CYBRD1: variants seen among roughly 807,000 people sequenced by gnomAD.
CYBRD1 encodes the protein plasma membrane ascorbate-dependent reductase CYBRD1.
In CYBRD1, 14 loss-of-function variants were observed where a neutral mutation model predicts 21.9. The ratio of observed to expected loss-of-function variants is 0.64; its 90% CI spans 0.42 to 1.00. The LOEUF is 1.00. Among genes scored for constraint, CYBRD1 ranks in the 50% least tolerant of loss-of-function variants. The pLI is 0.00. For missense variants in CYBRD1, 328 were observed against 352.5 expected (o/e 0.93, Z 0.56); for synonymous variants, 146 against 136.5 (o/e 1.07, Z -0.48).
Position 171,554,626 on chromosome 2 carries a change from C to T in CYBRD1, c.660C>T (p.Thr220=), listed in dbSNP as rs1329392520. ...GGGCCCTCATTTTTTGGATAGTCAC[C>T]AGACCGCAATGGAAACGTCCTAAGG... ...VFGALIFWIV[T]RPQWKRPKEP... Residue 220 remains threonine (T), a synonymous_variant, in exon 4 of 4, where the codon ACC becomes ACT. Transcript: ENST00000321348. 4.3e-6 allele frequency: 7 copies of T among 1,613,978 alleles called. No individual in the cohort carries two copies. The South Asian group carries it at 7.7e-5, about 18-fold the overall frequency.
intron 1 of CYBRD1, among the ~76,000 whole-genome samples, chr2:171,535,994 GT>G (rs1697539686): frequency 6.6e-6 from 1 of 151,952 alleles, no homozygotes; most frequent in Admixed American, 6.6e-5. Context: ...ATGCATAAAA[GT>G]ACCTAAATCG....
chr2:171,532,620 C>T (rs1460210566), intron 1 of CYBRD1, among the ~76,000 whole-genome samples: 2 of 151,386 alleles, frequency 1.3e-5, no homozygotes, highest in African/African-American at 4.9e-5. Flanking sequence ...AACATCACGG[C>T]AAAACCCTGT....
Position 171,522,673 on chromosome 2 carries a change from G to C in CYBRD1, c.128G>C (p.Ser43Thr). 6.2e-7 allele frequency: 1 copy of C among 1,613,558 alleles called. No homozygotes were observed. The highest frequency in any genetic ancestry group is 8.5e-7 in the Non-Finnish European group (1 of 1,179,922). Residue 43 changes from serine to threonine, a missense_variant, in exon 1 of 4, where the codon AGC becomes ACC. Transcript: ENST00000321348. This position sits in a 1 kb window ranked among gnomAD's most constrained non-coding sequence, Gnocchi z 4.3. Reference sequence around the variant, plus strand: ...CGAGAGGGGCTTGGCTGGGATGGGAGCGCACTAGAGTTTAACTGGCACCCA... The same window carrying C: ...CGAGAGGGGCTTGGCTGGGATGGGACCGCACTAGAGTTTAACTGGCACCCA... ...HYREGLGWDG[S>T]ALEFNWHPVL...
chr2:171,540,500 G>A (rs890379810), intron 1 of CYBRD1, among the ~76,000 whole-genome samples: 3 of 151,940 alleles, frequency 2.0e-5, no homozygotes, highest in Non-Finnish European at 2.9e-5. Context: ...GCATATACCC[G>A]AGAGTGAAAT....
intron 2 of CYBRD1, among the ~76,000 whole-genome samples, chr2:171,547,911 T>C (rs1327119086): frequency 6.6e-6 from 1 of 152,054 alleles, no homozygotes; most frequent in Non-Finnish European, 1.5e-5. Flanking sequence ...TGTGGTTTAC[T>C]CCAGTATTAC....
chr2:171,522,613 C>G lies in CYBRD1; in HGVS notation c.68C>G (p.Ser23Trp). ...LGSALLVGFL[S>W]VIFALVWVLH... Reference sequence around the variant, plus strand: ...TCGGCACTGCTCGTCGGCTTCCTGTCGGTGATCTTCGCCCTCGTCTGGGTC... The same window carrying G: ...TCGGCACTGCTCGTCGGCTTCCTGTGGGTGATCTTCGCCCTCGTCTGGGTC... The change falls in exon 1 of 4, where the codon TCG becomes TGG. Residue 23 changes from serine (S) to tryptophan (W), a missense_variant. Physicochemically the swap from Ser to Trp is radical, Grantham distance 177 (BLOSUM62 -3). Transcript: ENST00000321348. This position sits in a 1 kb window ranked among gnomAD's most constrained non-coding sequence, Gnocchi z 4.3. 2 of 1,612,776 alleles carry G rather than the reference C, an allele frequency of 1.2e-6. No individual in the cohort carries two copies. Among genetic ancestry groups the G allele is most frequent in the Non-Finnish European group, 1.7e-6 (2 of 1,179,736 alleles).
intron 2 of CYBRD1, among the ~76,000 whole-genome samples, chr2:171,550,174 C>G (rs1697778076): frequency 6.6e-6 from 1 of 152,148 alleles, no homozygotes; most frequent in Non-Finnish European, 1.5e-5. Flanking sequence ...TGCACAATGT[C>G]AGCTCACTGC....
intron 1 of CYBRD1, among the ~76,000 whole-genome samples, chr2:171,539,209 C>A (rs1226158943): frequency 6.6e-6 from 1 of 152,134 alleles, no homozygotes; most frequent in African/African-American, 2.4e-5. Context: ...TGAGGCCAGG[C>A]ACTGTAGTTC....
At chr2:171,522,290 G>C (rs966071725), upstream of CYBRD1, 1 of 1,546,016 alleles carries the variant, frequency 6.5e-7, no homozygotes, top group Non-Finnish European at 8.7e-7. The surrounding 1 kb of genome is among the most constrained non-coding windows in gnomAD (Gnocchi z 4.3). Flanking sequence ...ACGAGGGAGA[G>C]GGTGAGGCCA....
rs1184322120 is a variant in CYBRD1, at chr2:171,541,927, C to T, written c.402+134C>T. The stretch of plus-strand genomic sequence containing the variant: ...CCACCCAGGCTGGAGTGCAGTGCTG[C>T]GATCTTGGCTCACTGCAACCACTGT... On this transcript the variant is annotated intron_variant, in intron 2 of 3. Transcript: ENST00000321348. The T allele has an allele frequency of 3.5e-5, 26 of 733,846 alleles. No homozygotes were observed. In the Admixed American group the frequency reaches 5.2e-4, roughly 15 times the overall value. The allele number at this position is 733,846 out of a possible 1,614,324, so 45.5% of individuals were successfully genotyped here.
intron 1 of CYBRD1, chr2:171,541,241 T>C (rs1697626295): frequency 5.4e-6 from 2 of 368,276 alleles, no homozygotes; most frequent in Non-Finnish European, 1.0e-5. Context: ...GCTGGAGATA[T>C]AAATTTTTTG....
Position 171,553,497 on chromosome 2 carries a change from C to T in CYBRD1, c.554C>T (p.Ser185Phe). The change falls in exon 3 of 4, where the codon TCC (serine) becomes TTC (phenylalanine). Residue 185 changes from serine (S) to phenylalanine (F), a missense_variant. Physicochemically the swap from Ser to Phe is radical, Grantham distance 155. Coordinates refer to ENST00000321348, the MANE Select transcript of CYBRD1 (RefSeq NM_024843.4). ...LMGLTEKLIF[S>F]LRDPAYSTFP... ...GGATTGACAGAGAAACTGATTTTTT[C>T]CCTGTAAGTTGCATAGTCTTCTTAA... The T allele has an allele frequency of 6.2e-7, 1 of 1,611,148 alleles. No individual in the cohort carries two copies. The highest frequency in any genetic ancestry group is 8.5e-7 in the Non-Finnish European group (1 of 1,178,330).
chr2:171,526,923 G>T (rs929206128), intron 1 of CYBRD1, among the ~76,000 whole-genome samples: 15 of 152,122 alleles, frequency 9.9e-5, no homozygotes, highest in African/African-American at 3.1e-4. Context: ...AGTTGATTTC[G>T]TGAGATAATA....
chr2:171,522,999 G>A lies in CYBRD1; in HGVS notation c.193+261G>A. ...GCGCGGTGGAGACGCGCTGCTGGGG[G>A]CGGCGGAGCGGGGCCGGCCCCACTT... On this transcript the variant is annotated intron_variant, in intron 1 of 3. Coordinates refer to ENST00000321348, the MANE Select transcript of CYBRD1 (RefSeq NM_024843.4). The surrounding 1 kb of genome is among the most constrained non-coding windows in gnomAD (Gnocchi z 4.3). 1 of 520,666 alleles carries A rather than the reference G, an allele frequency of 1.9e-6. No individual in the cohort carries two copies. Among genetic ancestry groups the A allele is most frequent in the Non-Finnish European group, 3.4e-6 (1 of 298,062 alleles). The allele number at this position is 520,666 out of a possible 1,614,324, so 32.3% of individuals were successfully genotyped here.
At chr2:171,529,614 A>T (rs564409431) in intron 1 of CYBRD1, among the ~76,000 whole-genome samples, 1 of 151,842 alleles carries the variant, frequency 6.6e-6, no homozygotes, top group African/African-American at 2.4e-5. Flanking sequence ...GATGTAGGAC[A>T]GAAGTCAGAG....
chr2:171,536,132 T>TA (rs1158324638), intron 1 of CYBRD1, among the ~76,000 whole-genome samples: 3 of 64,126 alleles, frequency 4.7e-5, no homozygotes, highest in Non-Finnish European at 9.1e-5. Context: ...TGATAGTTAC[T>TA]CTTTTTTTTT....
At chr2:171,527,252 A>G (rs747881326) in intron 1 of CYBRD1, among the ~76,000 whole-genome samples, 1 of 152,310 alleles carries the variant, frequency 6.6e-6, no homozygotes, top group South Asian at 2.1e-4. Context: ...TCCCCAACAT[A>G]TTTTTTGTTG....
chr2:171,528,135 G>C (rs1371028520), intron 1 of CYBRD1, among the ~76,000 whole-genome samples: 2 of 151,940 alleles, frequency 1.3e-5, no homozygotes, highest in African/African-American at 4.8e-5. Context: ...GCCCAGGCTG[G>C]AGTGCAATGG....
chr2:171,550,066 G>A (rs981917570), intron 2 of CYBRD1, among the ~76,000 whole-genome samples: 1 of 152,124 alleles, frequency 6.6e-6, no homozygotes, highest in African/African-American at 2.4e-5. Context: ...GGATTTAGCA[G>A]GTCAGAATGT....
Sources: allele counts gnomAD v4.1 joint callset (sites outside exome capture counted in the v4.1 genomes callset), GRCh38; gene constraint gnomAD v4.1.1; non-coding constraint Gnocchi (gnomAD v3.1); transcripts MANE v1.5; gene names NCBI Gene and HGNC (gene_info 2026-07-23, HGNC 2026-07-21).